The following PRKN variants were observed in gnomAD, a reference collection of about 807,000 sequenced individuals.
PRKN encodes E3 ubiquitin-protein ligase parkin.
A neutral mutation model predicts 59.5 loss-of-function variants in PRKN; 56 were observed. The observed-to-expected ratio is 0.94, with a 90% CI of 0.76 to 1.18. The LOEUF is 1.18. Among genes scored for constraint, PRKN ranks in the 50% most tolerant of loss-of-function variants. PRKN has a pLI of 0.00. For synonymous variants in PRKN, 250 were observed against 222.1 expected (o/e 1.13, Z -1.12); for missense variants, 657 against 596.4 (o/e 1.10, Z -1.06).
At chr6:162,218,105 C>T (rs1291864090) in intron 3 of PRKN, among the ~76,000 whole-genome samples, 1 of 152,154 alleles carries the variant, frequency 6.6e-6, no homozygotes, top group Non-Finnish European at 1.5e-5. Context: ...CCACAGCCCT[C>T]CAGAGGAAGG....
At chr6:161,803,766 T>G (rs1258521026) in intron 6 of PRKN, among the ~76,000 whole-genome samples, 1 of 152,176 alleles carries the variant, frequency 6.6e-6, no homozygotes, top group Admixed American at 6.5e-5. Context: ...GAAGCTGCAT[T>G]AGGGCCGAGA....
chr6:162,360,594 A>C (rs1245425264), intron 2 of PRKN, among the ~76,000 whole-genome samples: 1 of 152,296 alleles, frequency 6.6e-6, no homozygotes, highest in African/African-American at 2.4e-5. Context: ...TTTAAAAAAC[A>C]AACAAAAAAA....
chr6:162,623,099 T>C (rs1782743848), intron 1 of PRKN, among the ~76,000 whole-genome samples: 1 of 152,264 alleles, frequency 6.6e-6, no homozygotes, highest in African/African-American at 2.4e-5. Context: ...AACCCAGTCA[T>C]TAGGCTTCAG....
At chr6:162,034,631 A>T (rs1249315628) in intron 5 of PRKN, among the ~76,000 whole-genome samples, 1 of 152,204 alleles carries the variant, frequency 6.6e-6, no homozygotes, top group African/African-American at 2.4e-5. Flanking sequence ...TTGTTAACAC[A>T]CTTTTCCAAG....
chr6:162,332,461 C>T (rs768278430), intron 2 of PRKN, among the ~76,000 whole-genome samples: 42 of 152,274 alleles, frequency 2.8e-4, no homozygotes, highest in Non-Finnish European at 4.1e-4. Context: ...TCCTTTAGGA[C>T]GCACATAAAT....
chr6:162,446,013 G>T (rs1484809826), intron 1 of PRKN, among the ~76,000 whole-genome samples: 5 of 152,062 alleles, frequency 3.3e-5, no homozygotes, highest in African/African-American at 1.2e-4. Flanking sequence ...GTGACAAAGT[G>T]CTCCAAATAA....
At chr6:161,861,646 C>G (rs1321674780) in intron 6 of PRKN, among the ~76,000 whole-genome samples, 2 of 150,252 alleles carry the variant, frequency 1.3e-5, no homozygotes, top group Non-Finnish European at 3.0e-5. Flanking sequence ...TTAGAGTCGT[C>G]AGTTGCACCC....
chr6:161,647,001 T>A (rs1361647489), intron 7 of PRKN, among the ~76,000 whole-genome samples: 2 of 152,174 alleles, frequency 1.3e-5, no homozygotes, highest in Admixed American at 1.3e-4. Context: ...TACAATAAGA[T>A]CAGTGGCAAT....
chr6:161,408,730 C>A (rs1482059279), intron 9 of PRKN, among the ~76,000 whole-genome samples: 1 of 151,502 alleles, frequency 6.6e-6, no homozygotes, highest in Non-Finnish European at 1.5e-5. Context: ...TGTTTTGTCC[C>A]CATACAATGT....
chr6:162,315,506 A>G (rs1466315694), intron 2 of PRKN, among the ~76,000 whole-genome samples: 1 of 152,142 alleles, frequency 6.6e-6, no homozygotes, highest in Non-Finnish European at 1.5e-5. Flanking sequence ...TGCATTTCAA[A>G]TTTGTTGTTC....
In PRKN at chr6:161,372,610, C is replaced by T. The variant is rs987338868; in HGVS notation, c.1168-12405G>A. Reference sequence around the variant, plus strand: ...TTGTGGAGCTTCCCCATTAGCAGAACGGCGGCTCTCAGACCAGCGGCACCG... The same window carrying T: ...TTGTGGAGCTTCCCCATTAGCAGAATGGCGGCTCTCAGACCAGCGGCACCG... On this transcript the variant is annotated intron_variant, in intron 10 of 11. Transcript: ENST00000366898. This position sits in a 1 kb window ranked among gnomAD's most constrained non-coding sequence, Gnocchi z 4.2. Among the ~76,000 whole-genome samples, 4 of 152,140 alleles carry T rather than the reference C, an allele frequency of 2.6e-5. No individual in the cohort carries two copies. The highest frequency in any genetic ancestry group is 2.0e-4 in the Admixed American group (3 of 15,270).
intron 4 of PRKN, among the ~76,000 whole-genome samples, chr6:162,072,263 G>A (rs904124987): frequency 1.3e-5 from 2 of 152,040 alleles, no homozygotes; most frequent in Non-Finnish European, 2.9e-5. Context: ...ACTCCAGCCC[G>A]GGTGACAGAG....
chr6:161,761,238 G>A (rs1314788960), intron 7 of PRKN, among the ~76,000 whole-genome samples: 1 of 152,062 alleles, frequency 6.6e-6, no homozygotes, highest in Non-Finnish European at 1.5e-5. Flanking sequence ...CAGATAAGAC[G>A]GGCTGCTCTT....
intron 1 of PRKN, among the ~76,000 whole-genome samples, chr6:162,687,346 C>T (rs1307258848): frequency 7.2e-5 from 11 of 151,804 alleles, no homozygotes; most frequent in Admixed American, 2.6e-4. Flanking sequence ...CCACCACACC[C>T]GGCTAATTTT....
At chr6:162,456,625 C>T (rs780044618) in intron 1 of PRKN, among the ~76,000 whole-genome samples, 12 of 152,224 alleles carry the variant, frequency 7.9e-5, no homozygotes, top group Non-Finnish European at 7.4e-5. Flanking sequence ...AAAGTCACCA[C>T]GAACAGTAAA....
intron 2 of PRKN, among the ~76,000 whole-genome samples, chr6:162,388,188 A>G (rs1430671995): frequency 6.6e-6 from 1 of 152,116 alleles, no homozygotes; most frequent in East Asian, 1.9e-4. Flanking sequence ...TCATTGCAGG[A>G]GGAGGGTGTT....
At chr6:162,144,224 T>C (rs1467383596) in intron 4 of PRKN, among the ~76,000 whole-genome samples, 1 of 152,138 alleles carries the variant, frequency 6.6e-6, no homozygotes, top group Non-Finnish European at 1.5e-5. Flanking sequence ...AGGCAACCTT[T>C]AGAAAAGCAC....
chr6:162,419,271 T>C (rs1184192578), intron 2 of PRKN, among the ~76,000 whole-genome samples: 2 of 151,780 alleles, frequency 1.3e-5, no homozygotes, highest in Admixed American at 1.3e-4. Context: ...CAGGGAAAAA[T>C]TGCTCTTCCT....
chr6:161,867,119 T>G (rs535239783), intron 6 of PRKN, among the ~76,000 whole-genome samples: 1 of 152,372 alleles, frequency 6.6e-6, no homozygotes, highest in South Asian at 2.1e-4. Context: ...CAGTCTTTAT[T>G]TTATTTGGAT....
Sources: allele counts gnomAD v4.1 joint callset (sites outside exome capture counted in the v4.1 genomes callset), GRCh38; gene constraint gnomAD v4.1.1; non-coding constraint Gnocchi (gnomAD v3.1); transcripts MANE v1.5; gene names NCBI Gene and HGNC (gene_info 2026-07-23, HGNC 2026-07-21).